NUCKS1: variants seen among roughly 807,000 people sequenced by gnomAD.
NUCKS1 encodes nuclear casein kinase and cyclin dependent kinase substrate 1.
NUCKS1 carries 2 observed loss-of-function variants against 33.0 expected under a neutral mutation model. That is an observed-to-expected ratio of 0.06 (90% confidence interval 0.02 to 0.19). The LOEUF (loss-of-function observed/expected upper bound fraction) is 0.19. NUCKS1 is among the 10% of genes least tolerant of loss of function. The pLI, the probability that NUCKS1 is intolerant of heterozygous loss-of-function variation, is 1.00. For missense variants in NUCKS1, 201 were observed against 293.6 expected, an observed-to-expected ratio of 0.68 and a Z score of 2.31; for synonymous variants, 106 against 102.8, an observed-to-expected ratio of 1.03 and a Z score of -0.19.
Position 205,718,209 on chromosome 1 carries a change from T to A in NUCKS1, c.*71A>T. 1 of 1,512,810 alleles carries A rather than the reference T, an allele frequency of 6.6e-7. No individual in the cohort carries two copies. The highest frequency in any genetic ancestry group is 8.8e-7 in the Non-Finnish European group (1 of 1,141,258). The allele number at this position is 1,512,810 out of a possible 1,614,324, so 93.7% of individuals were successfully genotyped here. A position where few individuals can be genotyped will look rare whatever the true frequency, so the allele number is the denominator to read the frequency against. ...TGTTCTATCTTAAGTAGGTTCTTTT[T>A]TTTCCTCCCTCTTTTTTCTTTTTTT... On this transcript the variant is annotated 3_prime_UTR_variant, in exon 7 of 7. Coordinates refer to ENST00000367142, the MANE Select transcript of NUCKS1 (RefSeq NM_022731.5).
intron 1 of NUCKS1, chr1:205,731,225 A>G (rs934110473): frequency 6.6e-6 from 1 of 152,036 alleles, no homozygotes; most frequent in Non-Finnish European, 1.5e-5. Flanking sequence ...GACCTGGTTT[A>G]TCAGCAACAT....
chr1:205,726,672 C>T (rs1653784606), intron 3 of NUCKS1, among the ~76,000 whole-genome samples: 1 of 152,188 alleles, frequency 6.6e-6, no homozygotes, highest in African/African-American at 2.4e-5. Context: ...GTCCAACAGA[C>T]ATGGTTTCAT....
chr1:205,720,370 T>A, intron 5 of NUCKS1, 131 bp downstream of exon 5: 2 of 826,620 alleles, frequency 2.4e-6, no homozygotes, highest in South Asian at 3.6e-5. Flanking sequence ...TCATCTCTTT[T>A]AACACGGAGT....
chr1:205,730,974 A>G (rs1369589142), intron 1 of NUCKS1, among the ~76,000 whole-genome samples: 1 of 152,240 alleles, frequency 6.6e-6, no homozygotes, highest in African/African-American at 2.4e-5. Context: ...TTGATAAACA[A>G]GGTTATTACT....
At chr1:205,734,176 G>A (rs973547790) in intron 1 of NUCKS1, among the ~76,000 whole-genome samples, 1 of 152,026 alleles carries the variant, frequency 6.6e-6, no homozygotes, top group Admixed American at 6.6e-5. Flanking sequence ...ACCAGGCCTG[G>A]CCTGTAACTT....
At chr1:205,727,154 G>A (rs1571575055) in intron 3 of NUCKS1, among the ~76,000 whole-genome samples, 1 of 152,014 alleles carries the variant, frequency 6.6e-6, no homozygotes, top group African/African-American at 2.4e-5. Context: ...ATGTAGAGAT[G>A]TGGTCTCCTT....
chr1:205,747,494 C>T (rs984389620), intron 1 of NUCKS1, among the ~76,000 whole-genome samples: 1 of 152,128 alleles, frequency 6.6e-6, no homozygotes, highest in Non-Finnish European at 1.5e-5. Flanking sequence ...GTCCACCATA[C>T]CACCCTTCAT....
In NUCKS1 at chr1:205,715,289, T is replaced by G. The variant is rs1469382041; in HGVS notation, c.*2991A>C. The stretch of plus-strand genomic sequence containing the variant: ...TTGTGAAAACAGTCAATATGTAAGC[T>G]CCTTCAAGGGAAATCAACTACTGTT... On this transcript the variant is annotated 3_prime_UTR_variant, in exon 7 of 7. Transcript: ENST00000367142. 1.3e-5 allele frequency: 2 copies of G among 152,188 alleles called. No individual in the cohort carries two copies. The highest frequency in any genetic ancestry group is 2.9e-5 in the Non-Finnish European group (2 of 68,036). The allele number at this position is 152,188 out of a possible 1,614,324, so 9.4% of individuals were successfully genotyped here. A position where few individuals can be genotyped will look rare whatever the true frequency, so the allele number is the denominator to read the frequency against.
In NUCKS1 at chr1:205,719,740, A is replaced by G. The variant is rs1370014635; in HGVS notation, c.383-64T>C. The G allele has an allele frequency of 6.5e-6, 10 of 1,545,966 alleles. No individual in the cohort carries two copies. In the Admixed American group the frequency reaches 2.0e-4, roughly 30 times the overall value. ...ACACATCCTTCCAAGTAAAAAAGGA[A>G]GAGAGTGCTAAGAATGACTAGAGGA... is the stretch of plus-strand genomic sequence containing the variant. On this transcript the variant is annotated intron_variant, in intron 5 of 6. Transcript: ENST00000367142.
intron 1 of NUCKS1, among the ~76,000 whole-genome samples, chr1:205,730,018 T>C (rs1166065171): frequency 1.4e-5 from 2 of 145,068 alleles, no homozygotes; most frequent in Non-Finnish European, 3.0e-5. Context: ...TGAAACTCCA[T>C]CTCAAAAAAA....
intron 1 of NUCKS1, among the ~76,000 whole-genome samples, chr1:205,740,714 A>T (rs538016228): frequency 6.6e-6 from 1 of 151,954 alleles, no homozygotes; most frequent in East Asian, 1.9e-4. Context: ...AAGAGCTCCT[A>T]ATTTTTTCAA....
chr1:205,746,485 AC>A (rs1654336097), intron 1 of NUCKS1, among the ~76,000 whole-genome samples: 1 of 123,056 alleles, frequency 8.1e-6, no homozygotes, highest in Non-Finnish European at 1.9e-5. Context: ...ACACACACAC[AC>A]ACTAGAGAAT....
intron 4 of NUCKS1, 52 bp downstream of exon 4, chr1:205,723,874 A>C (rs1671961965): frequency 7.8e-7 from 1 of 1,283,034 alleles, no homozygotes; most frequent in Non-Finnish European, 1.1e-6. Flanking sequence ...AACATCTAAT[A>C]AAATAATATA....
chr1:205,743,427 A>G (rs993258730), intron 1 of NUCKS1, among the ~76,000 whole-genome samples: 4 of 152,228 alleles, frequency 2.6e-5, no homozygotes, highest in African/African-American at 9.6e-5. Flanking sequence ...TCTCTCCCCA[A>G]TAATTAATCA....
intron 1 of NUCKS1, among the ~76,000 whole-genome samples, chr1:205,744,351 T>C (rs190536484): frequency 6.6e-6 from 1 of 152,324 alleles, no homozygotes; most frequent in African/African-American, 2.4e-5. Flanking sequence ...GGATAACATA[T>C]GCCTTTAAGA....
Position 205,714,610 on chromosome 1 carries a change from T to C in NUCKS1, c.*3670A>G, listed in dbSNP as rs1357017172. On this transcript the variant is annotated 3_prime_UTR_variant, in exon 7 of 7. Coordinates refer to ENST00000367142, the MANE Select transcript of NUCKS1 (RefSeq NM_022731.5). The stretch of plus-strand genomic sequence containing the variant: ...CGACTGAAACTTGGCTATAGATAGC[T>C]TGATGTCCCAATATTCAAACAATAA... 6.6e-6 allele frequency: 1 copy of C among 152,214 alleles called. No individual in the cohort carries two copies. Among genetic ancestry groups the C allele is most frequent in the African/African-American group, 2.4e-5 (1 of 41,470 alleles). The allele number at this position is 152,214 out of a possible 1,614,324, so 9.4% of individuals were successfully genotyped here. A position where few individuals can be genotyped will look rare whatever the true frequency, so the allele number is the denominator to read the frequency against.
intron 1 of NUCKS1, among the ~76,000 whole-genome samples, chr1:205,747,957 A>C (rs1288503539): frequency 2.0e-5 from 3 of 152,252 alleles, no homozygotes; most frequent in African/African-American, 7.2e-5. Flanking sequence ...TATACTCCGT[A>C]ACCAACTTGC....
At position 205,750,038 on chromosome 1, in the gene NUCKS1, T is replaced by A; in HGVS notation, c.-65A>T. 1.7e-5 allele frequency: 9 copies of A among 527,660 alleles called. No homozygotes were observed. Among genetic ancestry groups the A allele is most frequent in the Non-Finnish European group, 2.4e-5 (9 of 382,924 alleles). The allele number at this position is 527,660 out of a possible 1,614,324, so 32.7% of individuals were successfully genotyped here. On this transcript the variant is annotated 5_prime_UTR_variant, in exon 1 of 7. Transcript: ENST00000367142. ...CCAGGACCCCCCCCACCCCGCGCGC[T>A]CGGCGCCCCACCCCCCCCGAACTTC...
Position 205,718,343 on chromosome 1 carries a change from G to A in NUCKS1, c.669C>T (p.Ser223=). 6.2e-7 allele frequency: 1 copy of A among 1,613,478 alleles called. No individual in the cohort carries two copies. The highest frequency in any genetic ancestry group is 8.5e-7 in the Non-Finnish European group (1 of 1,179,916). ...CATCCCCAGATTTCTCGGGTGGGGG[G>A]CTTGTAGATGTTTTCTTTTCTGGCG... ...ESPPEKKTST[S]PPPEKSGDEG... is the part of the protein sequence containing the mutation. The change falls in exon 7 of 7, where the codon AGC becomes AGT. Residue 223 remains serine, a synonymous_variant. Coordinates refer to ENST00000367142, the MANE Select transcript of NUCKS1 (RefSeq NM_022731.5).
Sources: gnomAD v4.1 joint callset for allele counts (sites outside exome capture counted in the v4.1 genomes callset) on GRCh38, gnomAD v4.1.1 for gene constraint, MANE v1.5 for transcripts, NCBI Gene and HGNC (gene_info 2026-07-23, HGNC 2026-07-21) for gene names.